The following SH3RF3 variants were observed in gnomAD, a reference collection of about 807,000 sequenced individuals.
SH3RF3 encodes the protein SH3 domain containing ring finger 3.
In SH3RF3, 29 loss-of-function variants were observed where a neutral mutation model predicts 66.3. That is an observed-to-expected ratio of 0.44 (90% CI 0.33 to 0.60). The LOEUF is 0.60. Among genes scored for constraint, SH3RF3 ranks in the 20% least tolerant of loss-of-function variants. SH3RF3 has a pLI of 0.04. For synonymous variants in SH3RF3, 583 were observed against 532.0 expected (o/e 1.10, Z -1.32); for missense variants, 1,194 against 1,190.9 (o/e 1.00, Z -0.04).
chr2:109,218,080 T>G (rs988954183), intron 1 of SH3RF3, among the ~76,000 whole-genome samples: 2 of 151,962 alleles, frequency 1.3e-5, no homozygotes, highest in Middle Eastern at 3.2e-3. Flanking sequence ...TGTGTTGTGG[T>G]AAGAGTAGTC....
intron 1 of SH3RF3, among the ~76,000 whole-genome samples, chr2:109,217,715 G>A (rs754397941): frequency 6.6e-6 from 1 of 152,184 alleles, no homozygotes; most frequent in Non-Finnish European, 1.5e-5. Context: ...GGGGGAGGGT[G>A]GGGTGTTGCC....
chr2:109,156,346 C>T (rs539395571), intron 1 of SH3RF3, among the ~76,000 whole-genome samples: 1 of 152,322 alleles, frequency 6.6e-6, no homozygotes, highest in African/African-American at 2.4e-5. Context: ...GCTTTCTCTC[C>T]TAGATGGTGA....
intron 7 of SH3RF3, among the ~76,000 whole-genome samples, chr2:109,442,252 A>G (rs1677588257): frequency 6.6e-6 from 1 of 150,962 alleles, no homozygotes; most frequent in African/African-American, 2.4e-5. Context: ...CAGAGCTTAC[A>G]GTGAGCCGAG....
At chr2:109,493,949 C>T (rs148669222) in intron 9 of SH3RF3, among the ~76,000 whole-genome samples, 2,170 of 152,268 alleles carry the variant, frequency 0.014, 49 homozygotes, top group African/African-American at 0.049. Flanking sequence ...AAGGAGTCTC[C>T]TCCGCATCAG....
chr2:109,240,587 T>A (rs528051007), intron 1 of SH3RF3, among the ~76,000 whole-genome samples: 4 of 152,294 alleles, frequency 2.6e-5, no homozygotes, highest in Admixed American at 1.3e-4. Flanking sequence ...GACTTGTGGA[T>A]AAATAGGTTT....
At chr2:109,140,739 A>G (rs1278219483) in intron 1 of SH3RF3, among the ~76,000 whole-genome samples, 3 of 152,116 alleles carry the variant, frequency 2.0e-5, no homozygotes, top group Admixed American at 6.5e-5. Flanking sequence ...CAAAAGGCCT[A>G]TGTGCTCTAC....
At chr2:109,431,707 A>G (rs1472088268) in intron 5 of SH3RF3, among the ~76,000 whole-genome samples, 1 of 152,172 alleles carries the variant, frequency 6.6e-6, no homozygotes, top group Non-Finnish European at 1.5e-5. Flanking sequence ...CCCCATCTTT[A>G]CAAAAAATAA....
intron 1 of SH3RF3, among the ~76,000 whole-genome samples, chr2:109,248,807 C>G (rs991700456): frequency 2.7e-5 from 4 of 150,766 alleles, no homozygotes; most frequent in Non-Finnish European, 5.9e-5. Context: ...GTCTCTCTTT[C>G]TCTTTCGTTT....
rs564373053 is a variant in SH3RF3 at position 109,404,644 on chromosome 2, G to A, written c.1299+5701G>A. Among the ~76,000 whole-genome samples the A allele has an allele frequency of 5.3e-4, 80 of 152,240 alleles. 1 individual carries two copies. The highest frequency in any genetic ancestry group is 1.9e-3 in the African/African-American group (79 of 41,534). ...CAGGTGGGGTGTGGCCCAGGCTGGC[G>A]GCCAAGCAGAGCTGACCCCTCTCCC... On this transcript the variant is annotated intron_variant, in intron 4 of 9. Coordinates refer to ENST00000309415, the MANE Select transcript of SH3RF3 (RefSeq NM_001099289.3).
At chr2:109,165,751 C>A (rs753383804) in intron 1 of SH3RF3, among the ~76,000 whole-genome samples, 8 of 152,112 alleles carry the variant, frequency 5.3e-5, no homozygotes, top group Non-Finnish European at 1.0e-4. Flanking sequence ...CCACTCAGAT[C>A]CTTCTTTTTT....
intron 1 of SH3RF3, among the ~76,000 whole-genome samples, chr2:109,296,386 C>A (rs915297634): frequency 1.3e-5 from 2 of 150,992 alleles, no homozygotes; most frequent in Admixed American, 1.3e-4. Context: ...CACCACCACA[C>A]CCAGTTTTTT....
intron 3 of SH3RF3, among the ~76,000 whole-genome samples, chr2:109,379,910 A>G (rs1175856820): frequency 6.6e-6 from 1 of 152,218 alleles, no homozygotes; most frequent in Non-Finnish European, 1.5e-5. Flanking sequence ...AGAGTGGTCC[A>G]GGAGGCAAAT....
At chr2:109,214,711 G>A (rs1481450667) in intron 1 of SH3RF3, among the ~76,000 whole-genome samples, 2 of 152,176 alleles carry the variant, frequency 1.3e-5, no homozygotes, top group African/African-American at 4.8e-5. Flanking sequence ...CAGAAGATGG[G>A]CTCCACTCCA....
intron 1 of SH3RF3, among the ~76,000 whole-genome samples, chr2:109,253,843 A>C (rs1680153816): frequency 6.6e-6 from 1 of 152,208 alleles, no homozygotes; most frequent in Admixed American, 6.5e-5. Flanking sequence ...ATAATTGTTC[A>C]GGGAGCAGAA....
In SH3RF3 at chr2:109,140,230, C is replaced by T. The variant is rs116151067; in HGVS notation, c.573+10117C>T. ...GATGCACGTGGTTGCATGTGGTTGA[C>T]GCACGTGTTTGGAGTTCTCTCTCTT... On this transcript the variant is annotated intron_variant, in intron 1 of 9. Transcript: ENST00000309415. Among the ~76,000 whole-genome samples, 1,359 of 152,322 alleles carry T rather than the reference C, an allele frequency of 8.9e-3. 5 individuals carry two copies. Among genetic ancestry groups the T allele is most frequent in the Middle Eastern group, 0.017 (5 of 294 alleles).
rs1025511661 is a variant in SH3RF3 at position 109,337,452 on chromosome 2, C to T, written c.574-10222C>T. On this transcript the variant is annotated intron_variant, in intron 1 of 9. Transcript: ENST00000309415. Reference sequence around the variant, plus strand: ...ACTGTGGCCACCCCCTCGCATATGGCGAAATGTTTTCCTCAAATGGTGATA... The same window carrying T: ...ACTGTGGCCACCCCCTCGCATATGGTGAAATGTTTTCCTCAAATGGTGATA... Among the ~76,000 whole-genome samples the T allele has an allele frequency of 7.9e-5, 12 of 152,182 alleles. No homozygotes were observed. In the South Asian group the frequency reaches 8.3e-4, roughly 11 times the overall value.
chr2:109,266,096 G>T (rs1411144596), intron 1 of SH3RF3, among the ~76,000 whole-genome samples: 1 of 151,610 alleles, frequency 6.6e-6, no homozygotes, highest in Non-Finnish European at 1.5e-5. Flanking sequence ...TGTTGTGCGT[G>T]CATGTGTGTG....
At chr2:109,369,978 T>C (rs760737997) in intron 2 of SH3RF3, among the ~76,000 whole-genome samples, 4 of 152,204 alleles carry the variant, frequency 2.6e-5, no homozygotes, top group Non-Finnish European at 5.9e-5. Flanking sequence ...TGAGGCCATC[T>C]CTTGGCCATC....
In SH3RF3 at chr2:109,413,901, C is replaced by T. The variant is rs184179191; in HGVS notation, c.1300-5638C>T. Among the ~76,000 whole-genome samples, 11 of 152,018 alleles carry T rather than the reference C, an allele frequency of 7.2e-5. No homozygotes were observed. In the East Asian group the frequency reaches 1.9e-3, roughly 27 times the overall value. Reference sequence around the variant, plus strand: ...TGAGTGGGATCAAGAGGTGTAACTCCCCACCAGTGGTCCAGCAGGGGCAGT... The same window carrying T: ...TGAGTGGGATCAAGAGGTGTAACTCTCCACCAGTGGTCCAGCAGGGGCAGT... On this transcript the variant is annotated intron_variant, in intron 4 of 9. Coordinates refer to ENST00000309415, the MANE Select transcript of SH3RF3 (RefSeq NM_001099289.3).
Sources: allele counts gnomAD v4.1 joint callset (sites outside exome capture counted in the v4.1 genomes callset), GRCh38; gene constraint gnomAD v4.1.1; transcripts MANE v1.5; gene names NCBI Gene and HGNC (gene_info 2026-07-23, HGNC 2026-07-21).